Variants in TMEM178A observed in about 807,000 individuals in gnomAD.
The protein encoded by TMEM178A is transmembrane protein 178.
Under a neutral mutation model 29.1 loss-of-function variants are expected in TMEM178A, and 12 were observed. The observed-to-expected ratio is 0.41, with a 90% CI of 0.26 to 0.67. The LOEUF (loss-of-function observed/expected upper bound fraction) is 0.67. Among genes scored for constraint, TMEM178A ranks in the 30% least tolerant of loss-of-function variants. The pLI, the probability that TMEM178A is intolerant of heterozygous loss-of-function variation, is 0.29. For missense variants in TMEM178A, 366 were observed against 419.1 expected (o/e 0.87, Z 1.11); for synonymous variants, 210 against 187.2 (o/e 1.12, Z -0.99).
Position 39,709,923 on chromosome 2 carries a change from C to G in TMEM178A, c.652+2737C>G, listed in dbSNP as rs573288899. On this transcript the variant is annotated intron_variant, in intron 3 of 3. Transcript: ENST00000281961. Reference sequence around the variant, plus strand: ...TTAGAACTAAAATAAATTACAAGACCATGAAAGCCTACTGAGTGCTCCTTG... The same window carrying G: ...TTAGAACTAAAATAAATTACAAGACGATGAAAGCCTACTGAGTGCTCCTTG... Among the ~76,000 whole-genome samples the G allele has an allele frequency of 8.5e-5, 13 of 152,256 alleles. No homozygotes were observed. The South Asian group carries it at 2.7e-3, about 32-fold the overall frequency.
chr2:39,681,422 C>T (rs926249851), intron 1 of TMEM178A, among the ~76,000 whole-genome samples: 2 of 152,096 alleles, frequency 1.3e-5, no homozygotes, highest in Non-Finnish European at 2.9e-5. Context: ...GCATTTTGGT[C>T]ATTCGGAAGA....
intron 1 of TMEM178A, among the ~76,000 whole-genome samples, chr2:39,695,129 G>C (rs1671482494): frequency 6.6e-6 from 1 of 152,168 alleles, no homozygotes; most frequent in African/African-American, 2.4e-5. Context: ...CTGCTACCCT[G>C]TCCTATGACT....
intron 1 of TMEM178A, among the ~76,000 whole-genome samples, chr2:39,673,638 C>G (rs1670495374): frequency 6.6e-6 from 1 of 152,186 alleles, no homozygotes; most frequent in Non-Finnish European, 1.5e-5. Context: ...GCTTAATTGT[C>G]TCTTTACAAC....
At chr2:39,691,880 A>C (rs540122957) in intron 1 of TMEM178A, among the ~76,000 whole-genome samples, 4 of 151,848 alleles carry the variant, frequency 2.6e-5, no homozygotes, top group Non-Finnish European at 5.9e-5. Context: ...TCTTGACTAA[A>C]GCATACACAC....
chr2:39,735,550 G>A, the TMEM178A span, among the ~76,000 whole-genome samples: 4,362 of 152,206 alleles, frequency 0.029, 219 homozygotes, highest in African/African-American at 0.1. Flanking sequence ...TATTCTCACT[G>A]CCTTTAACCC....
chr2:39,688,276 C>T (rs1671164279), intron 1 of TMEM178A, among the ~76,000 whole-genome samples: 1 of 152,252 alleles, frequency 6.6e-6, no homozygotes, highest in Non-Finnish European at 1.5e-5. Flanking sequence ...CCTAGAACTA[C>T]ACTAAAGCAA....
At chr2:39,704,501 C>A (rs1671938995) in intron 2 of TMEM178A, among the ~76,000 whole-genome samples, 1 of 152,112 alleles carries the variant, frequency 6.6e-6, no homozygotes. Context: ...CTGCTGTACC[C>A]CTTGTCTTGT....
chr2:39,728,661 ATTAGTACTGCTACCTC>A, the TMEM178A span, among the ~76,000 whole-genome samples: 1 of 152,198 alleles, frequency 6.6e-6, no homozygotes, highest in Non-Finnish European at 1.5e-5. Flanking sequence ...CACCGAGATC[ATTAGTACTGCTACCTC>A]TTACGATCTA....
the TMEM178A span, among the ~76,000 whole-genome samples, chr2:39,729,306 T>C: frequency 1.3e-5 from 2 of 152,100 alleles, no homozygotes; most frequent in African/African-American, 2.4e-5. Context: ...CTGCTGCCTC[T>C]CCCCCAGAAA....
chr2:39,720,063 C>T (rs530102897), downstream of TMEM178A, among the ~76,000 whole-genome samples: 1 of 152,050 alleles, frequency 6.6e-6, no homozygotes, highest in Admixed American at 6.5e-5. Context: ...TCTTTTTGGC[C>T]CTAAATTGTT....
chr2:39,727,745 T>A, the TMEM178A span, among the ~76,000 whole-genome samples: 1 of 130,458 alleles, frequency 7.7e-6, no homozygotes, highest in African/African-American at 2.9e-5. Flanking sequence ...GGCCCCGGTG[T>A]GTGATGTTCC....
chr2:39,700,163 G>A (rs1008372713), intron 1 of TMEM178A, among the ~76,000 whole-genome samples: 5 of 151,964 alleles, frequency 3.3e-5, no homozygotes, highest in African/African-American at 1.2e-4. Context: ...GTATCTTGTT[G>A]GTTTATAATG....
At chr2:39,693,536 T>C (rs1324873261) in intron 1 of TMEM178A, among the ~76,000 whole-genome samples, 1 of 152,196 alleles carries the variant, frequency 6.6e-6, no homozygotes, top group Non-Finnish European at 1.5e-5. Flanking sequence ...TTCTCTCTAA[T>C]GGCATAATCA....
At chr2:39,702,986 A>C (rs1030281843) in intron 1 of TMEM178A, among the ~76,000 whole-genome samples, 1 of 152,178 alleles carries the variant, frequency 6.6e-6, no homozygotes, top group Non-Finnish European at 1.5e-5. Flanking sequence ...CTGTAGGTAC[A>C]TTCACAGGAG....
chr2:39,700,962 C>A (rs1671754499), intron 1 of TMEM178A, among the ~76,000 whole-genome samples: 1 of 151,678 alleles, frequency 6.6e-6, no homozygotes, highest in Non-Finnish European at 1.5e-5. Flanking sequence ...TTGTTTCATC[C>A]CCACTCTCCT....
At chr2:39,726,467 C>T in the TMEM178A span, among the ~76,000 whole-genome samples, 5 of 152,114 alleles carry the variant, frequency 3.3e-5, no homozygotes, top group African/African-American at 1.2e-4. Flanking sequence ...ATCCAGCACC[C>T]TTTGAACACC....
rs527345000 is a variant in TMEM178A at position 39,702,168 on chromosome 2, G to C, written c.401-1913G>C. On this transcript the variant is annotated intron_variant, in intron 1 of 3. Coordinates refer to ENST00000281961, the MANE Select transcript of TMEM178A (RefSeq NM_152390.3). ...ATGGCAGCTCTGAAATTAGATTCTT[G>C]TCCCTTTCTAGGGTTGATTATTGTT... Among the ~76,000 whole-genome samples the C allele has an allele frequency of 1.0e-3, 151 of 151,650 alleles. 1 individual carries two copies. Among genetic ancestry groups the C allele is most frequent in the African/African-American group, 3.4e-3 (141 of 41,294 alleles).
intron 1 of TMEM178A, among the ~76,000 whole-genome samples, chr2:39,686,857 C>T (rs1671097056): frequency 6.6e-6 from 1 of 152,060 alleles, no homozygotes; most frequent in South Asian, 2.1e-4. Flanking sequence ...TCCCTCCTGC[C>T]TGGTTGGCTA....
At chr2:39,698,261 G>A (rs563651275) in intron 1 of TMEM178A, among the ~76,000 whole-genome samples, 23 of 152,280 alleles carry the variant, frequency 1.5e-4, no homozygotes, top group Admixed American at 5.2e-4. Flanking sequence ...GGTTACAACC[G>A]AGTAATAGCC....
Sources: gnomAD v4.1 joint callset for allele counts (sites outside exome capture counted in the v4.1 genomes callset) on GRCh38, gnomAD v4.1.1 for gene constraint, MANE v1.5 for transcripts, NCBI Gene and HGNC (gene_info 2026-07-23, HGNC 2026-07-21) for gene names.